The following RHBDD1 variants were observed in gnomAD, a reference collection of about 807,000 sequenced individuals.
The protein encoded by RHBDD1 is rhomboid-related protein 4.
A neutral mutation model predicts 36.3 loss-of-function variants in RHBDD1; 38 were observed. That is an observed-to-expected ratio of 1.05 (90% CI 0.81 to 1.37). The LOEUF is 1.37. Ranked by LOEUF, RHBDD1 falls within the 40% of genes most tolerant of loss-of-function variation. The probability of loss-of-function intolerance (pLI) is 0.00; values close to 1 mark genes in which losing one functional copy is unlikely to be tolerated. For synonymous variants in RHBDD1, 151 were observed against 136.5 expected, an observed-to-expected ratio of 1.11 and a Z score of -0.74; for missense variants, 393 against 377.6, an observed-to-expected ratio of 1.04 and a Z score of -0.34.
chr2:226,829,141 T>A, the RHBDD1 span, among the ~76,000 whole-genome samples: 1 of 152,188 alleles, frequency 6.6e-6, no homozygotes, highest in Non-Finnish European at 1.5e-5. Flanking sequence ...TGAAAGACTA[T>A]CCTTTCCCCA....
intron 5 of RHBDD1, among the ~76,000 whole-genome samples, chr2:226,897,658 CA>C (rs1431847897): frequency 1.3e-5 from 2 of 152,090 alleles, no homozygotes; most frequent in African/African-American, 4.8e-5. Context: ...GTAAGACAGG[CA>C]GTGCCATGCT....
At position 226,971,873 on chromosome 2, in the gene RHBDD1, A is replaced by G. The variant is rs1368670607; in HGVS notation, c.857-23558A>G. On this transcript the variant is annotated intron_variant, in intron 8 of 8. Transcript: ENST00000392062. ...GAATTTGGTGGCAAGGAACTTATTG[A>G]ACATGATAGAAAACTAGAGAGAAAG... is the stretch of plus-strand genomic sequence containing the variant. 2.0e-5 allele frequency among the ~76,000 whole-genome samples: 3 copies of G among 151,942 alleles called. No individual in the cohort carries two copies. The East Asian group carries it at 5.8e-4, about 29-fold the overall frequency.
the RHBDD1 span, among the ~76,000 whole-genome samples, chr2:226,812,329 G>T: frequency 6.6e-6 from 1 of 152,202 alleles, no homozygotes; most frequent in East Asian, 1.9e-4. Flanking sequence ...TCTTCTGAGG[G>T]CAGCTGAACA....
chr2:226,982,176 C>A (rs1293898599), intron 8 of RHBDD1, among the ~76,000 whole-genome samples: 1 of 152,262 alleles, frequency 6.6e-6, no homozygotes, highest in Non-Finnish European at 1.5e-5. Flanking sequence ...ATTCCCTCAG[C>A]CCTGCCCCTA....
At chr2:226,948,728 A>T (rs56160230) in intron 8 of RHBDD1, among the ~76,000 whole-genome samples, 11,890 of 152,172 alleles carry the variant, frequency 0.078, 513 homozygotes, top group East Asian at 0.18. Flanking sequence ...TTTGAAAAGC[A>T]ACACAAGACA....
intron 3 of RHBDD1, among the ~76,000 whole-genome samples, chr2:226,848,442 A>G (rs986824396): frequency 1.2e-4 from 18 of 152,208 alleles, no homozygotes; most frequent in Admixed American, 4.6e-4. Flanking sequence ...TTACTAGTAG[A>G]CAGTTGGGGG....
chr2:226,924,552 C>T (rs192902202), intron 8 of RHBDD1, among the ~76,000 whole-genome samples: 1 of 152,290 alleles, frequency 6.6e-6, no homozygotes, highest in East Asian at 1.9e-4. Flanking sequence ...CCCCCAGGTC[C>T]ACTGGCTCTG....
chr2:226,873,351 C>A (rs1944945544), intron 5 of RHBDD1, among the ~76,000 whole-genome samples: 1 of 152,120 alleles, frequency 6.6e-6, no homozygotes, highest in African/African-American at 2.4e-5. Flanking sequence ...CCAGTGACAA[C>A]TGATATGGGA....
chr2:226,980,327 G>T (rs573117756), intron 8 of RHBDD1, among the ~76,000 whole-genome samples: 1 of 152,270 alleles, frequency 6.6e-6, no homozygotes, highest in African/African-American at 2.4e-5. Context: ...ACCAGAGCGA[G>T]GTAGCAGAAG....
At chr2:226,850,168 G>A (rs1218965781) in intron 3 of RHBDD1, among the ~76,000 whole-genome samples, 1 of 152,188 alleles carries the variant, frequency 6.6e-6, no homozygotes, top group East Asian at 1.9e-4. Context: ...GAGATAATTT[G>A]CTCAAGGTAA....
chr2:226,974,306 C>G (rs1039660489), intron 8 of RHBDD1, among the ~76,000 whole-genome samples: 1 of 151,116 alleles, frequency 6.6e-6, no homozygotes, highest in Non-Finnish European at 1.5e-5. Context: ...GGTGTGATCT[C>G]GGCTCATTGC....
At chr2:226,925,516 A>C (rs989811152) in intron 8 of RHBDD1, among the ~76,000 whole-genome samples, 5 of 152,234 alleles carry the variant, frequency 3.3e-5, no homozygotes, top group South Asian at 2.1e-4. Context: ...GAAATTTATA[A>C]AATAAGCCAA....
intron 8 of RHBDD1, among the ~76,000 whole-genome samples, chr2:226,923,576 G>A (rs1949471285): frequency 6.6e-6 from 1 of 152,050 alleles, no homozygotes; most frequent in Admixed American, 6.6e-5. Context: ...GGTTTGGAAA[G>A]TTCTGTTATT....
At chr2:226,907,107 A>C (rs1309297874) in intron 6 of RHBDD1, 3 of 599,818 alleles carry the variant, frequency 5.0e-6, no homozygotes. Context: ...CTTAGGGGAC[A>C]AATATCAGTA....
At chr2:226,806,925 G>C in the RHBDD1 span, among the ~76,000 whole-genome samples, 1 of 152,198 alleles carries the variant, frequency 6.6e-6, no homozygotes, top group African/African-American at 2.4e-5. Flanking sequence ...CTCCTAAGGA[G>C]GAAATTCACA....
rs1180786393 is a variant in RHBDD1, at chr2:226,999,089, T to C, written c.*3567T>C. ...GCTGCAATGAGAGAATGTCTTTGTC[T>C]TTAAATTGTAAGCTTCATGAGGGCA... On this transcript the variant is annotated 3_prime_UTR_variant, in exon 9 of 9. Transcript: ENST00000392062. 6.6e-6 allele frequency: 1 copy of C among 152,268 alleles called. No individual in the cohort carries two copies. The highest frequency in any genetic ancestry group is 1.5e-5 in the Non-Finnish European group (1 of 68,068). The allele number at this position is 152,268 out of a possible 1,614,324, so 9.4% of individuals were successfully genotyped here.
At chr2:226,982,761 C>A (rs1956059047) in intron 8 of RHBDD1, among the ~76,000 whole-genome samples, 1 of 152,148 alleles carries the variant, frequency 6.6e-6, no homozygotes, top group Non-Finnish European at 1.5e-5. Context: ...CTTGTTCTTT[C>A]ATTCATTCCT....
chr2:226,849,873 TTCTG>T (rs1942633491), intron 3 of RHBDD1, among the ~76,000 whole-genome samples: 1 of 152,242 alleles, frequency 6.6e-6, no homozygotes, highest in South Asian at 2.1e-4. Flanking sequence ...TATATATATT[TTCTG>T]TCTCTCTCTC....
chr2:226,907,197 A>G (rs1470862128), intron 6 of RHBDD1, among the ~76,000 whole-genome samples: 1 of 152,230 alleles, frequency 6.6e-6, no homozygotes, highest in East Asian at 1.9e-4. Flanking sequence ...AAGTGCCTTT[A>G]AAATAATGCA....
Sources: gnomAD v4.1 joint callset for allele counts (sites outside exome capture counted in the v4.1 genomes callset) on GRCh38, gnomAD v4.1.1 for gene constraint, MANE v1.5 for transcripts, NCBI Gene and HGNC (gene_info 2026-07-23, HGNC 2026-07-21) for gene names.